Variants in TSC22D1 observed in about 807,000 individuals in gnomAD.
The protein encoded by TSC22D1 is TSC22 domain family protein 1.
TSC22D1 carries 9 observed loss-of-function variants against 74.2 expected under a neutral mutation model. The ratio of observed to expected loss-of-function variants is 0.12; its 90% CI spans 0.07 to 0.21. TSC22D1 has a LOEUF of 0.21. Ranked by LOEUF, TSC22D1 falls within the 10% of genes least tolerant of loss-of-function variation. The pLI, the probability that TSC22D1 is intolerant of heterozygous loss-of-function variation, is 1.00. For missense variants in TSC22D1, 1,427 were observed against 1,304.7 expected, an observed-to-expected ratio of 1.09 and a Z score of -1.44; for synonymous variants, 586 against 492.5, an observed-to-expected ratio of 1.19 and a Z score of -2.51.
chr13:44,472,663 T>C (rs561189578), intron 1 of TSC22D1, among the ~76,000 whole-genome samples: 1 of 152,210 alleles, frequency 6.6e-6, no homozygotes, highest in African/African-American at 2.4e-5. Context: ...AATTAACCGG[T>C]TGTGGTGGCA....
rs137978110 is a variant in TSC22D1 at position 44,483,409 on chromosome 13, C to A, written c.2913-47314G>T. Among the ~76,000 whole-genome samples the A allele has an allele frequency of 7.0e-3, 1,067 of 152,240 alleles. 14 individuals are homozygous for A. The highest frequency in any genetic ancestry group is 0.024 in the African/African-American group (991 of 41,552). On this transcript the variant is annotated intron_variant, in intron 1 of 2. Transcript: ENST00000458659. ...GGGTGCGGTGGCTCAAGCCTGTAAT[C>A]CCAGCATGTTGGGAGGCCGAGGCAG... is the stretch of plus-strand genomic sequence containing the variant.
At position 44,434,632 on chromosome 13, in the gene TSC22D1, G is replaced by A. The variant is rs200552635; in HGVS notation, c.3216C>T (p.Thr1072=). ...TCTGCGGGGGCATAGGCAGCTATGCGGTTGGTCCTGAGCCCTGCGATGCTG... is the reference window on the plus strand; with the variant it reads ...TCTGCGGGGGCATAGGCAGCTATGCAGTTGGTCCTGAGCCCTGCGATGCTG... ...AQPASQGSGP[T]A is the part of the protein sequence containing the mutation. Residue 1072 remains threonine (T), a synonymous_variant, in exon 3 of 3, where the codon ACC becomes ACT. Coordinates refer to ENST00000458659, the MANE Select transcript of TSC22D1 (RefSeq NM_183422.4). 1.4e-5 allele frequency: 22 copies of A among 1,537,118 alleles called. No individual in the cohort carries two copies. Among genetic ancestry groups the A allele is most frequent in the African/African-American group, 5.5e-5 (4 of 72,254 alleles).
chr13:44,516,922 A>C (rs111519904), intron 1 of TSC22D1, among the ~76,000 whole-genome samples: 100 of 152,272 alleles, frequency 6.6e-4, no homozygotes, highest in Non-Finnish European at 2.9e-4. Flanking sequence ...TCTCTTCCTA[A>C]GTCCTGCCCA....
At chr13:44,454,317 C>T (rs1467571393) in intron 1 of TSC22D1, among the ~76,000 whole-genome samples, 1 of 152,076 alleles carries the variant, frequency 6.6e-6, no homozygotes, top group African/African-American at 2.4e-5. Context: ...TGTTTTAACA[C>T]TGAGGTATGC....
In TSC22D1 at chr13:44,574,964, T is replaced by C. The variant is rs1216768099; in HGVS notation, c.1111A>G (p.Thr371Ala). 8.7e-6 allele frequency: 14 copies of C among 1,613,980 alleles called. No individual in the cohort carries two copies. The highest frequency in any genetic ancestry group is 1.3e-5 in the African/African-American group (1 of 74,924). Reference sequence around the variant, plus strand: ...CTAACAGCAGCAGAGGAAGAAATAGTACCATTGCCCATGCCACTCAAGATA... The same window carrying C: ...CTAACAGCAGCAGAGGAAGAAATAGCACCATTGCCCATGCCACTCAAGATA... ...VNILSGMGNGTISSSAAVSSV... is the reference protein window; with the variant it reads ...VNILSGMGNGAISSSAAVSSV... Residue 371 changes from threonine to alanine, a missense_variant, in exon 1 of 3, where the codon ACT becomes GCT. Thr to Ala is a moderately conservative substitution (Grantham distance 58). Around this residue, in one of 3 missense-constraint regions of TSC22D1, gnomAD observed 1,343 missense variants for 1,191.5 expected, o/e 1.13. Transcript: ENST00000458659.
At chr13:44,552,225 A>G (rs1882328445) in intron 1 of TSC22D1, among the ~76,000 whole-genome samples, 2 of 152,162 alleles carry the variant, frequency 1.3e-5, no homozygotes, top group Non-Finnish European at 2.9e-5. Context: ...ATTTTTGACA[A>G]CCCTTTCTGT....
intron 1 of TSC22D1, among the ~76,000 whole-genome samples, chr13:44,438,271 C>T (rs981999601): frequency 3.9e-4 from 59 of 152,266 alleles, no homozygotes; most frequent in African/African-American, 1.4e-3. Flanking sequence ...CAAATAATTC[C>T]AACATAAAAT....
intron 1 of TSC22D1, chr13:44,451,425 G>A (rs922263195): frequency 6.6e-6 from 1 of 152,212 alleles, no homozygotes; most frequent in Admixed American, 6.5e-5. Context: ...CAGGGAAAGA[G>A]TGGGCAGAGA....
chr13:44,572,244 C>G (rs920147330), intron 1 of TSC22D1, among the ~76,000 whole-genome samples: 2 of 152,176 alleles, frequency 1.3e-5, no homozygotes, highest in Non-Finnish European at 2.9e-5. Flanking sequence ...TTTAGCCAGT[C>G]AGCTTCAAAG....
intron 1 of TSC22D1, among the ~76,000 whole-genome samples, chr13:44,498,088 CA>C (rs200788733): frequency 1.6e-5 from 2 of 125,024 alleles, no homozygotes; most frequent in South Asian, 2.6e-4. Context: ...ATGATAAAAC[CA>C]AAAAAAAAAC....
At chr13:44,494,550 C>A (rs913515553) in intron 1 of TSC22D1, among the ~76,000 whole-genome samples, 12 of 151,236 alleles carry the variant, frequency 7.9e-5, no homozygotes, top group Admixed American at 2.6e-4. Context: ...ACAGCGAGAC[C>A]CCATCTCAAA....
intron 1 of TSC22D1, among the ~76,000 whole-genome samples, chr13:44,522,798 C>A (rs1471875348): frequency 1.3e-5 from 2 of 151,764 alleles, no homozygotes; most frequent in Admixed American, 6.6e-5. Flanking sequence ...AAAATCATGA[C>A]CCATAAAGAA....
At chr13:44,509,353 A>G (rs1157615572) in intron 1 of TSC22D1, among the ~76,000 whole-genome samples, 2 of 152,226 alleles carry the variant, frequency 1.3e-5, no homozygotes, top group Non-Finnish European at 2.9e-5. Flanking sequence ...TAAGAAGTGT[A>G]TAAGGCAGGG....
intron 1 of TSC22D1, among the ~76,000 whole-genome samples, chr13:44,511,423 G>T (rs1595127547): frequency 6.6e-6 from 1 of 152,156 alleles, no homozygotes; most frequent in East Asian, 1.9e-4. Context: ...TTTGGGAAAA[G>T]AAAGCTATGA....
At chr13:44,513,019 G>C (rs1344982622) in intron 1 of TSC22D1, among the ~76,000 whole-genome samples, 1 of 152,214 alleles carries the variant, frequency 6.6e-6, no homozygotes, top group African/African-American at 2.4e-5. Context: ...TCCTGAAATT[G>C]CTTCCTAGTT....
intron 1 of TSC22D1, among the ~76,000 whole-genome samples, chr13:44,462,992 T>C (rs1380822694): frequency 1.3e-5 from 2 of 152,164 alleles, no homozygotes; most frequent in Non-Finnish European, 2.9e-5. Context: ...ACAAAGAGTT[T>C]GAGGAACTTA....
intron 1 of TSC22D1, among the ~76,000 whole-genome samples, chr13:44,448,980 G>A (rs1207510834): frequency 6.6e-6 from 1 of 152,012 alleles, no homozygotes; most frequent in Non-Finnish European, 1.5e-5. Context: ...TGATCTCAAC[G>A]GAGCCACAGT....
intron 1 of TSC22D1, among the ~76,000 whole-genome samples, chr13:44,438,124 A>C (rs1289655034): frequency 6.6e-6 from 1 of 152,208 alleles, no homozygotes; most frequent in Non-Finnish European, 1.5e-5. Context: ...CAACATAAAC[A>C]GTTTCCAAGT....
chr13:44,561,674 T>C (rs1883046174), intron 1 of TSC22D1, among the ~76,000 whole-genome samples: 1 of 152,136 alleles, frequency 6.6e-6, no homozygotes, highest in Admixed American at 6.5e-5. Context: ...CCTTTATTAG[T>C]ACCTCTCCTA....
Sources: gnomAD v4.1 joint callset for allele counts (sites outside exome capture counted in the v4.1 genomes callset) on GRCh38, gnomAD v4.1.1 for gene constraint, gnomAD v4.1.1 regional missense constraint, MANE v1.5 for transcripts, NCBI Gene and HGNC (gene_info 2026-07-23, HGNC 2026-07-21) for gene names.